The following ST8SIA1 variants were observed in gnomAD, a reference collection of about 807,000 sequenced individuals.
ST8SIA1 encodes alpha-N-acetylneuraminide alpha-2,8-sialyltransferase.
A neutral mutation model predicts 35.9 loss-of-function variants in ST8SIA1; 16 were observed. That is an observed-to-expected ratio of 0.45 (90% CI 0.30 to 0.68). The LOEUF is 0.68. Ranked by LOEUF, ST8SIA1 falls within the 30% of genes least tolerant of loss-of-function variation. The probability of loss-of-function intolerance (pLI) is 0.09; values close to 1 mark genes in which losing one functional copy is unlikely to be tolerated. For missense variants in ST8SIA1, 383 were observed against 453.6 expected (o/e 0.84, Z 1.41); for synonymous variants, 170 against 169.6 (o/e 1.00, Z -0.02).
At chr12:22,241,875 T>TC (rs1281104528) in intron 4 of ST8SIA1, among the ~76,000 whole-genome samples, 34 of 151,736 alleles carry the variant, frequency 2.2e-4, no homozygotes, top group African/African-American at 3.1e-4. Context: ...TTATTCCTCC[T>TC]CCCCCCCATA....
intron 1 of ST8SIA1, chr12:22,325,642 G>T: frequency 1.6e-6 from 1 of 613,602 alleles, no homozygotes; most frequent in Non-Finnish European, 2.9e-6. Flanking sequence ...CCCAGTGGAT[G>T]TCTGAAACTT....
rs1173812557 is a variant in ST8SIA1, at chr12:22,213,838, T to TCTTTAGCTGGATCTTTA, written c.585-11801_585-11800insTAAAGATCCAGCTAAAG. On this transcript the variant is annotated intron_variant, in intron 4 of 4. Coordinates refer to ENST00000396037, the MANE Select transcript of ST8SIA1 (RefSeq NM_003034.4). ...GTAGGAGCTGGCTTGGGTAACTGAG[T>TCTTTAGCTGGATCTTTA]GTGGAGGGCTGATCTTTAGCTGGGA... Among the ~76,000 whole-genome samples, 122 of 151,972 alleles carry TCTTTAGCTGGATCTTTA rather than the reference T, an allele frequency of 8.0e-4. 1 individual carries two copies. The highest frequency in any genetic ancestry group is 2.2e-4 in the Non-Finnish European group (15 of 67,948).
At chr12:22,216,729 T>C (rs567243161) in intron 4 of ST8SIA1, among the ~76,000 whole-genome samples, 4 of 152,228 alleles carry the variant, frequency 2.6e-5, no homozygotes, top group Non-Finnish European at 4.4e-5. Flanking sequence ...CCTGACATAA[T>C]GCAGTATCTA....
intron 2 of ST8SIA1, among the ~76,000 whole-genome samples, chr12:22,273,286 C>G (rs1400434925): frequency 6.6e-6 from 1 of 152,130 alleles, no homozygotes; most frequent in African/African-American, 2.4e-5. Flanking sequence ...TTTCATATAC[C>G]CACACTTTCC....
chr12:22,211,058 G>A (rs1865170528), intron 4 of ST8SIA1, among the ~76,000 whole-genome samples: 1 of 152,180 alleles, frequency 6.6e-6, no homozygotes, highest in Non-Finnish European at 1.5e-5. Flanking sequence ...GATTCTAGGG[G>A]CTGCCTGATT....
chr12:22,210,232 A>G (rs1865162016), intron 4 of ST8SIA1, among the ~76,000 whole-genome samples: 2 of 152,222 alleles, frequency 1.3e-5, no homozygotes, highest in Admixed American at 1.3e-4. Flanking sequence ...CATAAAAGAT[A>G]AAGATAGAAA....
chr12:22,270,529 A>C (rs1865900457), intron 2 of ST8SIA1, among the ~76,000 whole-genome samples: 1 of 152,214 alleles, frequency 6.6e-6, no homozygotes, highest in South Asian at 2.1e-4. Flanking sequence ...AATTATTTCC[A>C]ATTTAAAATT....
chr12:22,280,325 C>T (rs1330199292), intron 2 of ST8SIA1, among the ~76,000 whole-genome samples: 1 of 152,126 alleles, frequency 6.6e-6, no homozygotes, highest in Non-Finnish European at 1.5e-5. Context: ...TAAAGGTATA[C>T]CAGGTTCTCC....
chr12:22,267,232 A>G (rs1865859899), intron 2 of ST8SIA1, among the ~76,000 whole-genome samples: 1 of 152,212 alleles, frequency 6.6e-6, no homozygotes, highest in African/African-American at 2.4e-5. Context: ...TTACTTAGTA[A>G]GTAATGCAGC....
At chr12:22,226,814 T>C (rs1032718441) in intron 4 of ST8SIA1, among the ~76,000 whole-genome samples, 1 of 152,224 alleles carries the variant, frequency 6.6e-6, no homozygotes, top group Non-Finnish European at 1.5e-5. Context: ...TTTGTTCTCC[T>C]AACCACTCTG....
intron 2 of ST8SIA1, among the ~76,000 whole-genome samples, chr12:22,273,900 C>T (rs184918984): frequency 7.2e-4 from 109 of 152,294 alleles, no homozygotes; most frequent in Middle Eastern, 3.4e-3. Flanking sequence ...AAGGCAACTT[C>T]AATCAAATAC....
chr12:22,301,621 T>C (rs1866319559), intron 1 of ST8SIA1, among the ~76,000 whole-genome samples: 6 of 152,190 alleles, frequency 3.9e-5, no homozygotes, highest in Admixed American at 2.6e-4. Flanking sequence ...CAGGACACAG[T>C]TGGAGAAACT....
chr12:22,333,822 C>A (rs763105711), intron 1 of ST8SIA1, 175 bp downstream of exon 1: 2 of 780,138 alleles, frequency 2.6e-6, no homozygotes, highest in Non-Finnish European at 2.3e-6. Flanking sequence ...GGGGAAGGAA[C>A]CCTGACTAAA....
At chr12:22,280,238 T>G (rs1711824737) in intron 2 of ST8SIA1, among the ~76,000 whole-genome samples, 1 of 152,064 alleles carries the variant, frequency 6.6e-6, no homozygotes, top group African/African-American at 2.4e-5. Flanking sequence ...TAAATTAAAA[T>G]CGGAGGCAAA....
rs1396256496 is a variant in ST8SIA1 at position 22,239,251 on chromosome 12, T to G, written c.584+9755A>C. On this transcript the variant is annotated intron_variant, in intron 4 of 4. Transcript: ENST00000396037. ...GTTTTGGATCACATTACTTTTTACT[T>G]ATGGATCACATTAATCATGAATTCT... is the stretch of plus-strand genomic sequence containing the variant. Among the ~76,000 whole-genome samples the G allele has an allele frequency of 2.0e-5, 3 of 152,222 alleles. No individual in the cohort carries two copies. The East Asian group carries it at 5.8e-4, about 29-fold the overall frequency.
chr12:22,247,794 C>A (rs140377345), intron 4 of ST8SIA1, among the ~76,000 whole-genome samples: 1 of 151,680 alleles, frequency 6.6e-6, no homozygotes, highest in Non-Finnish European at 1.5e-5. Context: ...ATGTGACAGG[C>A]TAGAATAAAA....
chr12:22,325,747 G>A, intron 1 of ST8SIA1: 1 of 642,508 alleles, frequency 1.6e-6, no homozygotes, highest in South Asian at 1.8e-5. Context: ...GGCACAGTAA[G>A]AGATGAACAA....
intron 1 of ST8SIA1, among the ~76,000 whole-genome samples, chr12:22,315,837 G>C (rs368321560): frequency 6.6e-6 from 1 of 151,042 alleles, no homozygotes; most frequent in South Asian, 2.1e-4. Context: ...ATTGTTCTTA[G>C]AGTCAAAAGT....
At chr12:22,219,174 A>T (rs1865268439) in intron 4 of ST8SIA1, among the ~76,000 whole-genome samples, 1 of 152,198 alleles carries the variant, frequency 6.6e-6, no homozygotes, top group African/African-American at 2.4e-5. Flanking sequence ...TTAATTAATG[A>T]TGAATTTCAT....
Sources: gnomAD v4.1 joint callset for allele counts (sites outside exome capture counted in the v4.1 genomes callset) on GRCh38, gnomAD v4.1.1 for gene constraint, MANE v1.5 for transcripts, NCBI Gene and HGNC (gene_info 2026-07-23, HGNC 2026-07-21) for gene names.